The following PEBP4 variants were observed in gnomAD, a reference collection of about 807,000 sequenced individuals.
PEBP4 encodes the protein phosphatidylethanolamine binding protein 4.
A neutral mutation model predicts 23.9 loss-of-function variants in PEBP4; 22 were observed. The observed-to-expected ratio is 0.92, with a 90% CI of 0.66 to 1.31. PEBP4 has a LOEUF of 1.31. Ranked by LOEUF, PEBP4 falls within the 40% of genes most tolerant of loss-of-function variation. The pLI is 0.00. For synonymous variants in PEBP4, 112 were observed against 99.3 expected, an observed-to-expected ratio of 1.13 and a Z score of -0.76; for missense variants, 324 against 281.7, an observed-to-expected ratio of 1.15 and a Z score of -1.07.
At chr8:22,831,961 G>T (rs1238953862) in intron 3 of PEBP4, among the ~76,000 whole-genome samples, 1 of 152,166 alleles carries the variant, frequency 6.6e-6, no homozygotes, top group Non-Finnish European at 1.5e-5. Context: ...AAAAGGGCGG[G>T]GGCAGGGGCA....
At chr8:22,790,368 G>A (rs1023319615) in intron 4 of PEBP4, among the ~76,000 whole-genome samples, 3 of 152,186 alleles carry the variant, frequency 2.0e-5, no homozygotes, top group Admixed American at 1.3e-4. Context: ...GGTAGATACA[G>A]GGATTCAAGG....
chr8:22,884,395 A>T (rs940439310), intron 3 of PEBP4: 1 of 152,242 alleles, frequency 6.6e-6, no homozygotes, highest in Non-Finnish European at 1.5e-5. Flanking sequence ...CACCACCACG[A>T]TGATAGCACT....
intron 3 of PEBP4, among the ~76,000 whole-genome samples, chr8:22,870,973 C>G (rs1208964089): frequency 6.6e-6 from 1 of 152,150 alleles, no homozygotes; most frequent in East Asian, 1.9e-4. Context: ...CTGGAGGATC[C>G]TCTACAGATG....
In PEBP4 at chr8:22,737,461, T is replaced by C. The variant is rs142570148; in HGVS notation, c.358-10241A>G. The stretch of plus-strand genomic sequence containing the variant: ...CCCGTGGTGCGCAGGCATCTCGCCA[T>C]GGTCTTTACGTGAGTTAGTTCACTC... On this transcript the variant is annotated intron_variant, in intron 4 of 6. Coordinates refer to ENST00000256404, the MANE Select transcript of PEBP4 (RefSeq NM_144962.3). Among the ~76,000 whole-genome samples, 974 of 152,270 alleles carry C rather than the reference T, an allele frequency of 6.4e-3. 12 individuals carry two copies. The highest frequency in any genetic ancestry group is 0.014 in the Middle Eastern group (4 of 294).
At chr8:22,727,264 C>T (rs1300744770) in intron 4 of PEBP4, 44 bp from the exon 5 acceptor site, 4 of 1,597,134 alleles carry the variant, frequency 2.5e-6, no homozygotes, top group Non-Finnish European at 3.4e-6. Context: ...GTCTTGGGCA[C>T]ACTTCAGGCC....
At chr8:22,729,629 C>T (rs544685063) in intron 4 of PEBP4, among the ~76,000 whole-genome samples, 15 of 152,318 alleles carry the variant, frequency 9.8e-5, no homozygotes, top group East Asian at 7.7e-4. Context: ...CAAATCCTTA[C>T]GTTGGGTTTG....
intron 3 of PEBP4, among the ~76,000 whole-genome samples, chr8:22,851,604 A>G (rs905869417): frequency 2.0e-5 from 3 of 152,142 alleles, no homozygotes; most frequent in African/African-American, 7.2e-5. Context: ...GGCGCCACCC[A>G]CCACACATTA....
intron 4 of PEBP4, among the ~76,000 whole-genome samples, chr8:22,737,935 G>A (rs920172517): frequency 1.3e-4 from 20 of 152,186 alleles, no homozygotes; most frequent in African/African-American, 2.9e-4. Context: ...GGAAAGGCTC[G>A]GTGGTTGCCG....
intron 4 of PEBP4, among the ~76,000 whole-genome samples, chr8:22,773,937 G>A (rs377668515): frequency 1.5e-4 from 23 of 152,256 alleles, no homozygotes; most frequent in African/African-American, 5.5e-4. Flanking sequence ...TCCCCTTAAC[G>A]GGTGCTATAC....
chr8:22,896,659 C>T (rs140882403), intron 3 of PEBP4, among the ~76,000 whole-genome samples: 5 of 152,312 alleles, frequency 3.3e-5, no homozygotes, highest in Non-Finnish European at 4.4e-5. Context: ...GTGACACAGA[C>T]TCTCCCATGC....
rs117165901 is a variant in PEBP4, at chr8:22,791,170, C to T, written c.357+26467G>A. Among the ~76,000 whole-genome samples the T allele has an allele frequency of 2.9e-3, 446 of 152,166 alleles. 3 individuals are homozygous for T. Among genetic ancestry groups the T allele is most frequent in the Non-Finnish European group, 4.2e-3 (283 of 68,012 alleles). ...CACACACAGAAAGAACTGGATTCCA[C>T]GGGCTTCTGGGGGTGCAAGGGGAAG... On this transcript the variant is annotated intron_variant, in intron 4 of 6. Transcript: ENST00000256404.
intron 4 of PEBP4, among the ~76,000 whole-genome samples, chr8:22,808,074 C>T (rs1175295355): frequency 1.3e-5 from 2 of 151,622 alleles, no homozygotes; most frequent in African/African-American, 2.4e-5. Flanking sequence ...CATCCATCCA[C>T]CTATCCAACC....
At chr8:22,714,479 T>G (rs1364502308) in intron 6 of PEBP4, among the ~76,000 whole-genome samples, 1 of 151,952 alleles carries the variant, frequency 6.6e-6, no homozygotes. Flanking sequence ...CATCCTTACA[T>G]GAATTTTTTT....
At chr8:22,898,561 C>T (rs1419924474) in intron 3 of PEBP4, among the ~76,000 whole-genome samples, 1 of 152,138 alleles carries the variant, frequency 6.6e-6, no homozygotes, top group African/African-American at 2.4e-5. Context: ...CAAAGTGCTC[C>T]AAGCTCTGGT....
At chr8:22,751,050 G>A (rs576685425) in intron 4 of PEBP4, among the ~76,000 whole-genome samples, 3 of 152,148 alleles carry the variant, frequency 2.0e-5, no homozygotes, top group Admixed American at 6.5e-5. Flanking sequence ...CCCACGCAGC[G>A]GGCAGAAGCA....
intron 3 of PEBP4, among the ~76,000 whole-genome samples, chr8:22,837,351 C>T (rs775928674): frequency 5.3e-5 from 8 of 152,160 alleles, no homozygotes; most frequent in South Asian, 2.1e-4. Flanking sequence ...TGACTTGTAG[C>T]GATTGTTCAT....
At chr8:22,792,856 C>T (rs1355037220) in intron 4 of PEBP4, among the ~76,000 whole-genome samples, 1 of 152,042 alleles carries the variant, frequency 6.6e-6, no homozygotes, top group African/African-American at 2.4e-5. Flanking sequence ...GCAGGTGGCT[C>T]TCAGCAGAAG....
At chr8:22,803,289 T>C (rs909695643) in intron 4 of PEBP4, among the ~76,000 whole-genome samples, 1 of 152,084 alleles carries the variant, frequency 6.6e-6, no homozygotes, top group African/African-American at 2.4e-5. Context: ...GCTGCAAATA[T>C]CACGTTCGTA....
At chr8:22,766,276 C>T (rs371409771) in intron 4 of PEBP4, among the ~76,000 whole-genome samples, 11 of 152,316 alleles carry the variant, frequency 7.2e-5, no homozygotes, top group East Asian at 3.9e-4. Flanking sequence ...GAAAGCCCAC[C>T]GACAGGTCAC....
Sources: allele counts gnomAD v4.1 joint callset (sites outside exome capture counted in the v4.1 genomes callset), GRCh38; gene constraint gnomAD v4.1.1; transcripts MANE v1.5; gene names NCBI Gene and HGNC (gene_info 2026-07-23, HGNC 2026-07-21).